The following TPCN1 variants were observed in gnomAD, a reference collection of about 807,000 sequenced individuals.
The protein encoded by TPCN1 is two pore segment channel 1.
In TPCN1, 52 loss-of-function variants were observed where a neutral mutation model predicts 108.8. The observed-to-expected ratio is 0.48, with a 90% CI of 0.38 to 0.60. The LOEUF (loss-of-function observed/expected upper bound fraction) is 0.60, where lower values mean the gene tolerates loss of function less well. Ranked by LOEUF, TPCN1 falls within the 20% of genes least tolerant of loss-of-function variation. The pLI is 0.00. For missense variants in TPCN1, 806 were observed against 1,072.8 expected (o/e 0.75, Z 3.47); for synonymous variants, 446 against 433.7 (o/e 1.03, Z -0.35).
intron 4 of TPCN1, 139 bp from the exon 5 acceptor site, chr12:113,267,704 T>G (rs1043595485): frequency 4.8e-6 from 3 of 620,926 alleles, no homozygotes; most frequent in Non-Finnish European, 8.8e-6. Flanking sequence ...TCTTTAGGCA[T>G]GCGAGGCCAG....
intron 2 of TPCN1, among the ~76,000 whole-genome samples, chr12:113,236,275 G>A (rs1308293750): frequency 1.3e-5 from 2 of 152,184 alleles, no homozygotes; most frequent in Non-Finnish European, 2.9e-5. Context: ...CCAAGCAGTT[G>A]CTGTGCACGT....
In TPCN1 at chr12:113,284,501, A is replaced by C. The variant is rs1007151814; in HGVS notation, c.1343-80A>C. On this transcript the variant is annotated intron_variant, in intron 15 of 27. Coordinates refer to ENST00000335509, the MANE Select transcript of TPCN1 (RefSeq NM_017901.6). The surrounding 1 kb of genome is among the most constrained non-coding windows in gnomAD (Gnocchi z 4.1). ...CATCCCGTAGAGCTCCAGGAAGTTAACCAGGGACTTCAGCTGCGACCTGCA... is the reference window on the plus strand; with the variant it reads ...CATCCCGTAGAGCTCCAGGAAGTTACCCAGGGACTTCAGCTGCGACCTGCA... The C allele has an allele frequency of 7.2e-6, 11 of 1,537,042 alleles. No homozygotes were observed. The highest frequency in any genetic ancestry group is 2.3e-4 in the Middle Eastern group (1 of 4,390).
intron 2 of TPCN1, among the ~76,000 whole-genome samples, chr12:113,253,509 ATTT>A (rs1197083678): frequency 1.3e-5 from 2 of 152,130 alleles, no homozygotes; most frequent in African/African-American, 4.8e-5. Flanking sequence ...TGGAGGATCT[ATTT>A]TTGAGATGGC....
intron 10 of TPCN1, among the ~76,000 whole-genome samples, chr12:113,274,307 G>C (rs1273475950): frequency 6.6e-6 from 1 of 152,082 alleles, no homozygotes; most frequent in East Asian, 1.9e-4. Context: ...AATTAGCTGG[G>C]CGTGGTGGTG....
intron 2 of TPCN1, among the ~76,000 whole-genome samples, chr12:113,236,620 G>GAA (rs1314335109): frequency 1.5e-5 from 2 of 135,270 alleles, no homozygotes; most frequent in Non-Finnish European, 1.6e-5. Context: ...GTCTCAAAAA[G>GAA]AAAAAAAAAA....
Position 113,293,300 on chromosome 12 carries a change from C to T in TPCN1, c.2285C>T (p.Ser762Leu), listed in dbSNP as rs1410011896. Residue 762 changes from serine (S) to leucine (L), a missense_variant, in exon 27 of 28, where the codon TCA becomes TTA. By Grantham distance (145) the Ser-to-Leu change is moderately radical (BLOSUM62 -2). Transcript: ENST00000335509. ...QHSMVFLGRRSRTKSDLSLKM... is the reference protein window; with the variant it reads ...QHSMVFLGRRLRTKSDLSLKM... ...TCCATGGTGTTTCTGGGACGGCGAT[C>T]AAGGACCAAGAGCGACCTGAGCCTG... is the stretch of plus-strand genomic sequence containing the variant. 6.2e-7 allele frequency: 1 copy of T among 1,614,094 alleles called. No individual in the cohort carries two copies. Among genetic ancestry groups the T allele is most frequent in the Admixed American group, 1.7e-5 (1 of 60,026 alleles).
chr12:113,235,585 A>G (rs949985682), intron 2 of TPCN1, among the ~76,000 whole-genome samples: 1 of 152,154 alleles, frequency 6.6e-6, no homozygotes, highest in Non-Finnish European at 1.5e-5. Context: ...TGTCAACTGA[A>G]AAACTAAGTC....
At chr12:113,267,552 C>T (rs1175361949) in intron 4 of TPCN1, among the ~76,000 whole-genome samples, 1 of 152,124 alleles carries the variant, frequency 6.6e-6, no homozygotes, top group Admixed American at 6.6e-5. Context: ...GTGTGCGCCA[C>T]CACGCCCAGC....
intron 2 of TPCN1, among the ~76,000 whole-genome samples, chr12:113,250,704 C>A (rs1171084864): frequency 2.7e-5 from 4 of 150,398 alleles, no homozygotes; most frequent in African/African-American, 9.8e-5. Flanking sequence ...CCTGTAATCC[C>A]AGCACTTTGG....
intron 2 of TPCN1, among the ~76,000 whole-genome samples, chr12:113,253,841 G>A (rs544630113): frequency 2.2e-4 from 33 of 152,276 alleles, no homozygotes; most frequent in African/African-American, 5.8e-4. Flanking sequence ...AAGATAATGC[G>A]GTGGCCATTT....
intron 2 of TPCN1, among the ~76,000 whole-genome samples, chr12:113,239,645 A>G (rs973179137): frequency 6.6e-6 from 1 of 152,090 alleles, no homozygotes; most frequent in African/African-American, 2.4e-5. Context: ...ATGTGATCAG[A>G]CCAGAAGTAG....
Position 113,268,449 on chromosome 12 carries a change from G to A in TPCN1, c.529-293G>A, listed in dbSNP as rs1226033248. ...CTGCAGGCCCCGGGATCCCTGATGT[G>A]AGTGGCGAGGGCTGATCGAGGGGTC... On this transcript the variant is annotated intron_variant, in intron 5 of 27. Transcript: ENST00000335509. The surrounding 1 kb of genome is among the most constrained non-coding windows in gnomAD (Gnocchi z 7.3). 6.6e-6 allele frequency among the ~76,000 whole-genome samples: 1 copy of A among 152,240 alleles called. No homozygotes were observed. Among genetic ancestry groups the A allele is most frequent in the Non-Finnish European group, 1.5e-5 (1 of 68,034 alleles).
Position 113,273,218 on chromosome 12 carries a change from C to G in TPCN1, c.784-14C>G, listed in dbSNP as rs765466463. The G allele has an allele frequency of 2.3e-5, 37 of 1,614,046 alleles. No individual in the cohort carries two copies. In the African/African-American group the frequency reaches 4.8e-4, roughly 21 times the overall value. ...TGGCTGGTCCCGACTTCTCTGCCCT[C>G]TCTTCCCTTGCAGTACTTCAGCACC... On this transcript the variant is annotated splice_polypyrimidine_tract_variant and intron_variant, in intron 8 of 27. Coordinates refer to ENST00000335509, the MANE Select transcript of TPCN1 (RefSeq NM_017901.6). This position sits in a 1 kb window ranked among gnomAD's most constrained non-coding sequence, Gnocchi z 4.0.
chr12:113,285,771 G>A (rs11615474), intron 17 of TPCN1, 118 bp from the exon 18 acceptor site: 2 of 882,782 alleles, frequency 2.3e-6, no homozygotes, highest in African/African-American at 3.3e-5. Flanking sequence ...CCTGGGCTCA[G>A]CCTGGAGGGC....
chr12:113,253,072 C>A (rs563777576), intron 2 of TPCN1, among the ~76,000 whole-genome samples: 7 of 152,270 alleles, frequency 4.6e-5, no homozygotes, highest in African/African-American at 1.4e-4. Context: ...GGGAGCTAGG[C>A]AGCCTAGTTT....
At chr12:113,278,984 C>T in intron 14 of TPCN1, 149 bp downstream of exon 14, 2 of 722,146 alleles carry the variant, frequency 2.8e-6, no homozygotes, top group Non-Finnish European at 4.7e-6. Flanking sequence ...AGTGTGATTA[C>T]CCCAGCAGGG....
chr12:113,272,696 A>G lies in TPCN1; in HGVS notation c.783+4A>G. 1 of 1,613,384 alleles carries G rather than the reference A, an allele frequency of 6.2e-7. No homozygotes were observed. Among genetic ancestry groups the G allele is most frequent in the Admixed American group, 1.7e-5 (1 of 60,034 alleles). Reference sequence around the variant, plus strand: ...CTCCCCTAACCCTTCAGACCCCGTAAGTAATCAGCACATTTGTCCGTCTCT... The same window carrying G: ...CTCCCCTAACCCTTCAGACCCCGTAGGTAATCAGCACATTTGTCCGTCTCT... On this transcript the variant is annotated splice_donor_region_variant and intron_variant, in intron 8 of 27. Transcript: ENST00000335509. The surrounding 1 kb of genome is among the most constrained non-coding windows in gnomAD (Gnocchi z 4.1).
chr12:113,281,413 C>G (rs2136698813), intron 15 of TPCN1, among the ~76,000 whole-genome samples: 1 of 152,288 alleles, frequency 6.6e-6, no homozygotes, highest in African/African-American at 2.4e-5. Flanking sequence ...AATAAATATC[C>G]AGGTTCCCAA....
rs758726950 is a variant in TPCN1 at position 113,285,895 on chromosome 12, G to A, written c.1460G>A (p.Gly487Glu). The change falls in exon 18 of 28, where the codon GGG becomes GAG. Residue 487 changes from glycine to glutamate, a missense_variant. Physicochemically the swap from Gly to Glu is moderately conservative, Grantham distance 98. Coordinates refer to ENST00000335509, the MANE Select transcript of TPCN1 (RefSeq NM_017901.6). Reference protein sequence around the residue: ...WSYLVFLTIYGVELFLKVAGL... With the variant: ...WSYLVFLTIYEVELFLKVAGL... Reference sequence around the variant, plus strand: ...GGATTCCTTCTGTCCACAGTCTATGGGGTGGAGCTGTTCCTGAAGGTTGCC... The same window carrying A: ...GGATTCCTTCTGTCCACAGTCTATGAGGTGGAGCTGTTCCTGAAGGTTGCC... 6.2e-7 allele frequency: 1 copy of A among 1,614,176 alleles called. No individual in the cohort carries two copies.
Sources: allele counts gnomAD v4.1 joint callset (sites outside exome capture counted in the v4.1 genomes callset), GRCh38; gene constraint gnomAD v4.1.1; non-coding constraint Gnocchi (gnomAD v3.1); transcripts MANE v1.5; gene names NCBI Gene and HGNC (gene_info 2026-07-23, HGNC 2026-07-21).